LRPPRC: variants seen among roughly 807,000 people sequenced by gnomAD.
The protein encoded by LRPPRC is leucine-rich PPR motif-containing protein, mitochondrial.
A neutral mutation model predicts 180.3 loss-of-function variants in LRPPRC; 120 were observed. That is an observed-to-expected ratio of 0.67 (90% CI 0.57 to 0.77). The LOEUF (loss-of-function observed/expected upper bound fraction) is 0.77. Ranked by LOEUF, LRPPRC falls within the 30% of genes least tolerant of loss-of-function variation. LRPPRC has a pLI of 0.00. For missense variants in LRPPRC, 2,012 were observed against 1,657.2 expected, an observed-to-expected ratio of 1.21 and a Z score of -3.72; for synonymous variants, 723 against 600.0, an observed-to-expected ratio of 1.21 and a Z score of -3.00.
chr2:43,901,824 G>T, intron 31 of LRPPRC: 1 of 312,524 alleles, frequency 3.2e-6, no homozygotes, highest in Non-Finnish European at 6.0e-6. Context: ...AAGTTGGTAA[G>T]TTCAAATGAA....
chr2:43,995,118 G>A (rs1480799085), intron 1 of LRPPRC, among the ~76,000 whole-genome samples: 2 of 152,166 alleles, frequency 1.3e-5, no homozygotes, highest in Non-Finnish European at 2.9e-5. Flanking sequence ...GCGCACACCT[G>A]TAATCCCAGC....
chr2:43,947,651 G>A, intron 19 of LRPPRC, 80 bp downstream of exon 19: 1 of 890,894 alleles, frequency 1.1e-6, no homozygotes, highest in Non-Finnish European at 1.9e-6. Context: ...AGGAATCACT[G>A]GTTTTATAAG....
At chr2:43,994,989 C>T (rs1037428924) in intron 1 of LRPPRC, among the ~76,000 whole-genome samples, 1 of 152,166 alleles carries the variant, frequency 6.6e-6, no homozygotes, top group African/African-American at 2.4e-5. Flanking sequence ...ACCTGTAATC[C>T]CAGCACTTTG....
intron 36 of LRPPRC, chr2:43,892,720 T>C (rs574265797): frequency 6.6e-6 from 1 of 152,048 alleles, no homozygotes; most frequent in Admixed American, 6.6e-5. Flanking sequence ...TATACTGAAA[T>C]TGGAATGATA....
upstream of LRPPRC, chr2:43,996,063 G>A: frequency 9.9e-7 from 1 of 1,006,204 alleles, no homozygotes; most frequent in South Asian, 1.5e-5. Context: ...AAATGTGGGG[G>A]GAGCGACGGA....
Position 43,934,253 on chromosome 2 carries a change from G to A in LRPPRC, c.2673C>T (p.Leu891=). 6.2e-7 allele frequency: 1 copy of A among 1,611,940 alleles called. No homozygotes were observed. The highest frequency in any genetic ancestry group is 1.1e-5 in the South Asian group (1 of 90,986). The stretch of plus-strand genomic sequence containing the variant: ...GTAGGAAGGCAAAGAAGAGATCATA[G>A]AGCATCACCATTTCACCTTGTTCTT... ...VSQEQGEMVM[L]YDLFFAFLQT... is the part of the protein sequence containing the mutation. The change falls in exon 25 of 38, where the codon CTC becomes CTT. Residue 891 remains leucine (L), a synonymous_variant. Transcript: ENST00000260665.
At chr2:43,891,249 C>T (rs1014399656) in intron 36 of LRPPRC, among the ~76,000 whole-genome samples, 4 of 152,190 alleles carry the variant, frequency 2.6e-5, no homozygotes, top group African/African-American at 9.7e-5. Context: ...GATTTTCTAC[C>T]TTCCTCCCAA....
At chr2:43,993,661 T>C (rs182040813) in intron 1 of LRPPRC, among the ~76,000 whole-genome samples, 3 of 152,090 alleles carry the variant, frequency 2.0e-5, no homozygotes, top group Non-Finnish European at 2.9e-5. Context: ...ATCACTTCTT[T>C]ATTGCCTGCT....
chr2:43,918,852 T>C (rs1256459806), intron 27 of LRPPRC, among the ~76,000 whole-genome samples: 3 of 148,088 alleles, frequency 2.0e-5, no homozygotes, highest in African/African-American at 4.9e-5. Flanking sequence ...TATATAGAGA[T>C]ATATATATAG....
intron 12 of LRPPRC, among the ~76,000 whole-genome samples, chr2:43,961,944 C>G (rs1382236728): frequency 6.6e-6 from 1 of 152,134 alleles, no homozygotes; most frequent in Non-Finnish European, 1.5e-5. Context: ...GCCTGGGCGA[C>G]AGAGCAAGAC....
At chr2:43,921,182 C>T (rs997589072) in intron 27 of LRPPRC, among the ~76,000 whole-genome samples, 1 of 152,132 alleles carries the variant, frequency 6.6e-6, no homozygotes, top group African/African-American at 2.4e-5. Context: ...ATCCCAACTA[C>T]TGGGGTGGCT....
At chr2:43,956,813 C>G (rs1673137444) in intron 14 of LRPPRC, among the ~76,000 whole-genome samples, 1 of 152,072 alleles carries the variant, frequency 6.6e-6, no homozygotes, top group Non-Finnish European at 1.5e-5. Context: ...TCACCTGAAC[C>G]CAGGAGGCGG....
intron 25 of LRPPRC, 39 bp downstream of exon 25, chr2:43,934,151 A>C: frequency 8.7e-7 from 1 of 1,144,264 alleles, no homozygotes. Context: ...TAAGAGTCTA[A>C]ATAGCTCTAC....
intron 22 of LRPPRC, 95 bp downstream of exon 22, chr2:43,945,237 C>T (rs1672634738): frequency 1.1e-6 from 1 of 884,102 alleles, no homozygotes; most frequent in Admixed American, 1.8e-5. Flanking sequence ...TGTTCAAGCA[C>T]TTTGCAGGAC....
At chr2:43,915,232 TCACACACACACA>T (rs375631611) in intron 29 of LRPPRC, among the ~76,000 whole-genome samples, 77 of 51,832 alleles carry the variant, frequency 1.5e-3, no homozygotes, top group African/African-American at 2.3e-3. Context: ...TCTCTCTCTC[TCACACACACACA>T]CACACACACA....
At chr2:43,907,807 G>A (rs150442006) in intron 30 of LRPPRC, among the ~76,000 whole-genome samples, 4 of 152,098 alleles carry the variant, frequency 2.6e-5, no homozygotes, top group Admixed American at 2.6e-4. Flanking sequence ...AGTATTATAG[G>A]GAAACTTTCA....
intron 1 of LRPPRC, among the ~76,000 whole-genome samples, chr2:43,984,804 T>C (rs565047586): frequency 3.2e-4 from 48 of 152,216 alleles, no homozygotes; most frequent in South Asian, 2.1e-4. Flanking sequence ...AGGACCAAAA[T>C]TGATATAACC....
At position 43,894,526 on chromosome 2, in the gene LRPPRC, C is replaced by A; in HGVS notation, c.3985+19G>T. On this transcript the variant is annotated intron_variant, in intron 36 of 37. Coordinates refer to ENST00000260665, the MANE Select transcript of LRPPRC (RefSeq NM_133259.4). ...AAGCCATTTAAATAAATAATATAGTCAAATTAAACTTATATTACCATAGCT... is the reference window on the plus strand; with the variant it reads ...AAGCCATTTAAATAAATAATATAGTAAAATTAAACTTATATTACCATAGCT... The A allele has an allele frequency of 8.7e-7, 1 of 1,153,696 alleles. No individual in the cohort carries two copies. Among genetic ancestry groups the A allele is most frequent in the Non-Finnish European group, 1.3e-6 (1 of 761,596 alleles). 71.5% of individuals were successfully genotyped at this position (1,153,696 alleles called of 1,614,324 possible).
chr2:43,963,853 T>C, intron 11 of LRPPRC, 147 bp from the exon 12 acceptor site: 4 of 690,478 alleles, frequency 5.8e-6, no homozygotes, highest in South Asian at 4.9e-5. Flanking sequence ...AAAGAAACAC[T>C]GTGAGATACA....
Sources: allele counts gnomAD v4.1 joint callset (sites outside exome capture counted in the v4.1 genomes callset), GRCh38; gene constraint gnomAD v4.1.1; transcripts MANE v1.5; gene names NCBI Gene and HGNC (gene_info 2026-07-23, HGNC 2026-07-21).